Variants in FSTL4 observed in about 807,000 individuals in gnomAD.
The protein encoded by FSTL4 is follistatin-related protein 4.
Under a neutral mutation model 78.2 loss-of-function variants are expected in FSTL4, and 28 were observed. The ratio of observed to expected loss-of-function variants is 0.36; its 90% CI spans 0.27 to 0.49. The LOEUF is 0.49. Among genes scored for constraint, FSTL4 ranks in the 20% least tolerant of loss-of-function variants. The pLI is 0.98. For synonymous variants in FSTL4, 422 were observed against 440.5 expected (o/e 0.96, Z 0.53); for missense variants, 922 against 1,084.9 (o/e 0.85, Z 2.11).
chr5:133,472,308 G>GCACACTTT (rs1184723776), intron 3 of FSTL4, among the ~76,000 whole-genome samples: 2 of 152,252 alleles, frequency 1.3e-5, no homozygotes, highest in Non-Finnish European at 2.9e-5. Flanking sequence ...GAACTCCTGT[G>GCACACTTT]CACACTTTCT....
At chr5:133,658,894 C>T in the FSTL4 span, among the ~76,000 whole-genome samples, 4 of 152,096 alleles carry the variant, frequency 2.6e-5, no homozygotes, top group Non-Finnish European at 5.9e-5. Context: ...TAGCCCAATG[C>T]TATTTGGGAG....
the FSTL4 span, among the ~76,000 whole-genome samples, chr5:133,667,559 G>A: frequency 6.6e-6 from 1 of 152,134 alleles, no homozygotes; most frequent in African/African-American, 2.4e-5. Context: ...GCTCCAGCTC[G>A]AATATATCAG....
At chr5:133,742,486 CT>C in the FSTL4 span, among the ~76,000 whole-genome samples, 2 of 152,162 alleles carry the variant, frequency 1.3e-5, no homozygotes, top group African/African-American at 4.8e-5. Flanking sequence ...ACCTACATAA[CT>C]GGAGGAAGTG....
At chr5:133,806,780 C>T in the FSTL4 span, among the ~76,000 whole-genome samples, 1 of 152,178 alleles carries the variant, frequency 6.6e-6, no homozygotes, top group Non-Finnish European at 1.5e-5. Context: ...ACCAACTATG[C>T]TGCCCCATAA....
chr5:133,321,336 C>T (rs77518403), intron 4 of FSTL4, among the ~76,000 whole-genome samples: 263 of 152,342 alleles, frequency 1.7e-3, no homozygotes, highest in African/African-American at 5.9e-3. Context: ...CATCACTCTC[C>T]GTGCCCTGAC....
chr5:133,402,471 C>T (rs1756252855), intron 3 of FSTL4, among the ~76,000 whole-genome samples: 1 of 152,110 alleles, frequency 6.6e-6, no homozygotes, highest in Non-Finnish European at 1.5e-5. Context: ...GAAGACTTTG[C>T]TTTAAGTGTT....
the FSTL4 span, among the ~76,000 whole-genome samples, chr5:133,813,272 G>A: frequency 9.9e-5 from 15 of 152,274 alleles, no homozygotes; most frequent in East Asian, 1.2e-3. Context: ...TTTACTTAAC[G>A]TAACATATCT....
At chr5:133,290,519 C>T (rs974599544) in intron 6 of FSTL4, among the ~76,000 whole-genome samples, 12 of 152,350 alleles carry the variant, frequency 7.9e-5, no homozygotes, top group South Asian at 2.1e-4. Context: ...GGGTCCCACA[C>T]GGGCGACTGG....
At chr5:133,553,209 G>A (rs1759724053) in intron 3 of FSTL4, among the ~76,000 whole-genome samples, 1 of 152,170 alleles carries the variant, frequency 6.6e-6, no homozygotes, top group Non-Finnish European at 1.5e-5. Context: ...TAATAGCCTG[G>A]ACCAGCATCT....
chr5:133,392,505 G>A (rs1755874400), intron 4 of FSTL4, among the ~76,000 whole-genome samples: 1 of 152,164 alleles, frequency 6.6e-6, no homozygotes, highest in South Asian at 2.1e-4. Flanking sequence ...ATTTAGAAGG[G>A]TAAGGTGATC....
chr5:133,317,746 T>C (rs1753943946), intron 4 of FSTL4, among the ~76,000 whole-genome samples: 1 of 152,230 alleles, frequency 6.6e-6, no homozygotes, highest in African/African-American at 2.4e-5. Context: ...GAAGCAGAGA[T>C]ACCAGTGCCT....
intron 3 of FSTL4, among the ~76,000 whole-genome samples, chr5:133,565,636 T>C (rs970216474): frequency 5.9e-5 from 9 of 152,222 alleles, no homozygotes; most frequent in African/African-American, 2.2e-4. Flanking sequence ...GAGTGCAGCC[T>C]GACTACACCT....
chr5:133,566,069 A>G (rs1359538934), intron 3 of FSTL4, among the ~76,000 whole-genome samples: 2 of 152,228 alleles, frequency 1.3e-5, no homozygotes, highest in African/African-American at 4.8e-5. Context: ...CCTATAGTTC[A>G]GAGGACATCG....
At chr5:133,697,197 C>G in the FSTL4 span, among the ~76,000 whole-genome samples, 1 of 152,338 alleles carries the variant, frequency 6.6e-6, no homozygotes, top group South Asian at 2.1e-4. Context: ...ACACTGCTGG[C>G]AGGCCAAGGG....
At chr5:133,769,163 A>G in the FSTL4 span, among the ~76,000 whole-genome samples, 98 of 152,242 alleles carry the variant, frequency 6.4e-4, 2 homozygotes, top group Admixed American at 6.4e-3. Flanking sequence ...AAAAGACAGG[A>G]TTTGAAATCA....
chr5:133,374,371 A>G (rs40255), intron 4 of FSTL4, among the ~76,000 whole-genome samples: 117,471 of 152,036 alleles, frequency 0.77, 46,073 homozygotes, highest in Middle Eastern at 0.85. Context: ...AGGGCACACA[A>G]TGATTTTACC....
intron 13 of FSTL4, among the ~76,000 whole-genome samples, chr5:133,213,641 G>A (rs1005237016): frequency 7.2e-5 from 11 of 151,958 alleles, no homozygotes; most frequent in African/African-American, 1.2e-4. Flanking sequence ...AGAGTGCATC[G>A]TCAACAACAG....
the FSTL4 span, among the ~76,000 whole-genome samples, chr5:133,793,524 G>A: frequency 2.6e-5 from 4 of 152,358 alleles, no homozygotes; most frequent in African/African-American, 9.6e-5. Context: ...CTGGTTCAAG[G>A]TCTCACAGCT....
chr5:133,319,631 C>G (rs957937320), intron 4 of FSTL4, among the ~76,000 whole-genome samples: 1 of 152,172 alleles, frequency 6.6e-6, no homozygotes, highest in Non-Finnish European at 1.5e-5. Flanking sequence ...GGCAGTGGGA[C>G]AACCCAGGCA....
Sources: allele counts gnomAD v4.1 joint callset (sites outside exome capture counted in the v4.1 genomes callset), GRCh38; gene constraint gnomAD v4.1.1; transcripts MANE v1.5; gene names NCBI Gene and HGNC (gene_info 2026-07-23, HGNC 2026-07-21).